Variants in MAN2B2 observed in about 807,000 individuals in gnomAD.
The protein encoded by MAN2B2 is epididymis-specific alpha-mannosidase.
MAN2B2 carries 106 observed loss-of-function variants against 117.1 expected under a neutral mutation model. That is an observed-to-expected ratio of 0.90 (90% CI 0.77 to 1.06). The LOEUF is 1.06. Ranked by LOEUF, MAN2B2 falls within the 50% of genes least tolerant of loss-of-function variation. MAN2B2 has a pLI of 0.00. For synonymous variants in MAN2B2, 544 were observed against 595.1 expected, an observed-to-expected ratio of 0.91 and a Z score of 1.25; for missense variants, 1,326 against 1,381.4, an observed-to-expected ratio of 0.96 and a Z score of 0.64.
Position 6,604,292 on chromosome 4 carries a change from T to C in MAN2B2, c.1540-763T>C, listed in dbSNP as rs921107304. ...AGCTTGCTTTGGTTGCTGCAGTGGATGGGTTGGTAGGCACAGGAGTGGATG... is the reference window on the plus strand; with the variant it reads ...AGCTTGCTTTGGTTGCTGCAGTGGACGGGTTGGTAGGCACAGGAGTGGATG... On this transcript the variant is annotated intron_variant, in intron 10 of 18. Transcript: ENST00000285599. Among the ~76,000 whole-genome samples the C allele has an allele frequency of 2.6e-4, 40 of 151,794 alleles. No homozygotes were observed. In the East Asian group the frequency reaches 6.8e-3, roughly 26 times the overall value.
At chr4:6,613,887 G>C (rs1032318085) in intron 15 of MAN2B2, among the ~76,000 whole-genome samples, 9 of 152,170 alleles carry the variant, frequency 5.9e-5, no homozygotes, top group African/African-American at 9.7e-5. Context: ...AGGAGAGAGA[G>C]AGGAGAGGGC....
rs148352737 is a variant in MAN2B2, at chr4:6,617,412, C to T, written c.2734C>T (p.Arg912Cys). The change falls in exon 17 of 19, where the codon CGT (arginine) becomes TGT (cysteine). Residue 912 changes from arginine (R) to cysteine (C), a missense_variant. Physicochemically the swap from Arg to Cys is radical, Grantham distance 180. Coordinates refer to ENST00000285599, the MANE Select transcript of MAN2B2 (RefSeq NM_015274.3). The stretch of plus-strand genomic sequence containing the variant: ...AGGGGAAGCCCAGGCTGACCTCCGC[C>T]GTGTCCTGCTGCGGCTCTACCACCT... Reference protein sequence around the residue: ...HRGEAQADLRRVLLRLYHLYE... With the variant: ...HRGEAQADLRCVLLRLYHLYE... The T allele has an allele frequency of 1.4e-4, 218 of 1,614,132 alleles. No individual in the cohort carries two copies. In the African/African-American group the frequency reaches 2.0e-3, roughly 15 times the overall value.
At chr4:6,603,895 C>T (rs560348767) in intron 10 of MAN2B2, among the ~76,000 whole-genome samples, 1 of 152,180 alleles carries the variant, frequency 6.6e-6, no homozygotes, top group African/African-American at 2.4e-5. Flanking sequence ...GGTCGGGAGG[C>T]GTGTACACCA....
chr4:6,609,302 C>A lies in MAN2B2; in HGVS notation c.2006+4C>A, dbSNP rs1393947505. On this transcript the variant is annotated splice_donor_region_variant and intron_variant, in intron 12 of 18. Coordinates refer to ENST00000285599, the MANE Select transcript of MAN2B2 (RefSeq NM_015274.3). Reference sequence around the variant, plus strand: ...AGATCCGGCAGTACTTCTACAGGTGCTTCCCCTGGGGTGACCCCCACAGCC... The same window carrying A: ...AGATCCGGCAGTACTTCTACAGGTGATTCCCCTGGGGTGACCCCCACAGCC... The A allele has an allele frequency of 6.2e-7, 1 of 1,612,870 alleles. No individual in the cohort carries two copies. The highest frequency in any genetic ancestry group is 1.1e-5 in the South Asian group (1 of 90,950).
At position 6,603,387 on chromosome 4, in the gene MAN2B2, C is replaced by A. The variant is rs1387873054; in HGVS notation, c.1540-1668C>A. Among the ~76,000 whole-genome samples, 11 of 152,282 alleles carry A rather than the reference C, an allele frequency of 7.2e-5. No individual in the cohort carries two copies. In the East Asian group the frequency reaches 1.9e-3, roughly 27 times the overall value. ...CCTGGACCTGAGCGAGGCCAGGCCC[C>A]ATCCCAGGACACAGACATGGATGGT... On this transcript the variant is annotated intron_variant, in intron 10 of 18. Coordinates refer to ENST00000285599, the MANE Select transcript of MAN2B2 (RefSeq NM_015274.3).
Position 6,596,159 on chromosome 4 carries a change from G to A in MAN2B2, c.1058-954G>A, listed in dbSNP as rs550189918. On this transcript the variant is annotated intron_variant, in intron 7 of 18. Coordinates refer to ENST00000285599, the MANE Select transcript of MAN2B2 (RefSeq NM_015274.3). Reference sequence around the variant, plus strand: ...GTGGGCGTGGTATCCAGGTGGGCGTGGTATCCAGGCGGGTGTGGGTGGGCG... The same window carrying A: ...GTGGGCGTGGTATCCAGGTGGGCGTAGTATCCAGGCGGGTGTGGGTGGGCG... Among the ~76,000 whole-genome samples, 5 of 151,336 alleles carry A rather than the reference G, an allele frequency of 3.3e-5. No individual in the cohort carries two copies. In the South Asian group the frequency reaches 8.4e-4, roughly 25 times the overall value.
intron 4 of MAN2B2, among the ~76,000 whole-genome samples, chr4:6,587,825 G>A (rs1299206389): frequency 7.0e-6 from 1 of 143,324 alleles, no homozygotes; most frequent in East Asian, 2.2e-4. Flanking sequence ...CACAATCTTG[G>A]CCCACTGTAA....
chr4:6,576,671 G>A lies in MAN2B2; in HGVS notation c.232G>A (p.Glu78Lys), dbSNP rs545572300. 6.8e-6 allele frequency: 11 copies of A among 1,614,030 alleles called. No individual in the cohort carries two copies. The South Asian group carries it at 1.2e-4, about 18-fold the overall frequency. ...QQRRFIAVEQ[E>K]FFRLWWDGVA... ...GCGCCGGTTCATCGCTGTGGAGCAG[G>A]AGTTTTTCCGGCTGTGGTGGGATGG... The change falls in exon 2 of 19, where the codon GAG (glutamate) becomes AAG (lysine). Residue 78 changes from glutamate to lysine, a missense_variant. Coordinates refer to ENST00000285599, the MANE Select transcript of MAN2B2 (RefSeq NM_015274.3).
At chr4:6,604,493 G>A (rs1727457035) in intron 10 of MAN2B2, among the ~76,000 whole-genome samples, 2 of 151,480 alleles carry the variant, frequency 1.3e-5, no homozygotes, top group African/African-American at 4.9e-5. Flanking sequence ...GATGGGGAAG[G>A]GGAGTGACTG....
chr4:6,599,094 CCTT>C (rs1220415852), intron 9 of MAN2B2, among the ~76,000 whole-genome samples: 1 of 152,162 alleles, frequency 6.6e-6, no homozygotes, highest in Non-Finnish European at 1.5e-5. Context: ...TCTTGCACTT[CCTT>C]CTTGTTTTTT....
intron 16 of MAN2B2, 48 bp from the exon 17 acceptor site, chr4:6,617,332 G>C: frequency 7.0e-7 from 1 of 1,436,648 alleles, no homozygotes; most frequent in African/African-American, 1.4e-5. Context: ...GGGACATTGG[G>C]GTTGGTTGAT....
At chr4:6,579,678 A>G (rs1726353923) in intron 3 of MAN2B2, among the ~76,000 whole-genome samples, 2 of 144,486 alleles carry the variant, frequency 1.4e-5, no homozygotes. Flanking sequence ...CATGATCACC[A>G]CCCATCACTG....
intron 3 of MAN2B2, among the ~76,000 whole-genome samples, chr4:6,585,952 CTG>C (rs1726616793): frequency 6.6e-6 from 1 of 152,184 alleles, no homozygotes; most frequent in African/African-American, 2.4e-5. Flanking sequence ...TTCTGCTTCA[CTG>C]TGTTTGTTAG....
chr4:6,621,650 C>CTGCCAGGCT lies in MAN2B2; in HGVS notation c.*375_*383dup. Reference sequence around the variant, plus strand: ...CCGAAGCGCATCTGCCGTCCGGGCCCTGCCAGGCTTGCCAGGCTGCCAGTG... The same window carrying CTGCCAGGCT: ...CCGAAGCGCATCTGCCGTCCGGGCCCTGCCAGGCTTGCCAGGCTTGCCAGGCTGCCAGTG... On this transcript the variant is annotated 3_prime_UTR_variant, in exon 19 of 19. Coordinates refer to ENST00000285599, the MANE Select transcript of MAN2B2 (RefSeq NM_015274.3). 1 of 178,332 alleles carries CTGCCAGGCT rather than the reference C, an allele frequency of 5.6e-6. No individual in the cohort carries two copies. Among genetic ancestry groups the CTGCCAGGCT allele is most frequent in the Non-Finnish European group, 1.2e-5 (1 of 85,128 alleles). 11.0% of individuals were successfully genotyped at this position (178,332 alleles called of 1,614,324 possible). A position where few individuals can be genotyped will look rare whatever the true frequency, so the allele number is the denominator to read the frequency against.
intron 10 of MAN2B2, among the ~76,000 whole-genome samples, chr4:6,601,532 A>G (rs1727331302): frequency 6.7e-6 from 1 of 148,868 alleles, no homozygotes; most frequent in Admixed American, 6.7e-5. Context: ...GGTACAACTC[A>G]GGGACAGCTG....
chr4:6,600,169 T>G lies in MAN2B2; in HGVS notation c.1406-454T>G, dbSNP rs139086469. 4.2e-3 allele frequency among the ~76,000 whole-genome samples: 639 copies of G among 152,278 alleles called. 1 individual carries two copies. The highest frequency in any genetic ancestry group is 6.8e-3 in the Non-Finnish European group (464 of 68,006). ...AGGTCCTCATCACAGGGACCTAAAATGCCAGGCTAGGCAATGGACTTGACC... is the reference window on the plus strand; with the variant it reads ...AGGTCCTCATCACAGGGACCTAAAAGGCCAGGCTAGGCAATGGACTTGACC... On this transcript the variant is annotated intron_variant, in intron 9 of 18. Coordinates refer to ENST00000285599, the MANE Select transcript of MAN2B2 (RefSeq NM_015274.3).
At chr4:6,579,334 C>CCACCACCAA (rs1726311568) in intron 3 of MAN2B2, among the ~76,000 whole-genome samples, 1 of 102,000 alleles carries the variant, frequency 9.8e-6, no homozygotes, top group Non-Finnish European at 2.1e-5. Flanking sequence ...ACCACCACCA[C>CCACCACCAA]CACCACCATC....
rs572424450 is a variant in MAN2B2, at chr4:6,595,861, C to T, written c.1057+1129C>T. 3.3e-5 allele frequency among the ~76,000 whole-genome samples: 5 copies of T among 152,382 alleles called. No homozygotes were observed. In the East Asian group the frequency reaches 9.6e-4, roughly 29 times the overall value. Reference sequence around the variant, plus strand: ...TAGTCCTGCCTCTCTGGGCCCCAGCCTCTGGGTCTGCATGGTGACCAGTGG... The same window carrying T: ...TAGTCCTGCCTCTCTGGGCCCCAGCTTCTGGGTCTGCATGGTGACCAGTGG... On this transcript the variant is annotated intron_variant, in intron 7 of 18. Transcript: ENST00000285599.
Position 6,611,084 on chromosome 4 carries a change from A to G in MAN2B2, c.2371-2A>G, listed in dbSNP as rs1295485061. The G allele has an allele frequency of 2.5e-6, 4 of 1,612,384 alleles. No homozygotes were observed. The Admixed American group carries it at 6.7e-5, about 27-fold the overall frequency. On this transcript the variant is annotated splice_acceptor_variant, in intron 14 of 18. Transcript: ENST00000285599. LOFTEE classifies it high-confidence loss of function. ...GGCCTCTCGGACAATGCCTTCCCGC[A>G]GGTCATGCTCCACCGGCGGCTGTGG... is the stretch of plus-strand genomic sequence containing the variant.
Sources: allele counts gnomAD v4.1 joint callset (sites outside exome capture counted in the v4.1 genomes callset), GRCh38; gene constraint gnomAD v4.1.1; transcripts MANE v1.5; gene names NCBI Gene and HGNC (gene_info 2026-07-23, HGNC 2026-07-21).